The following ZBTB20 variants were observed in gnomAD, a reference collection of about 807,000 sequenced individuals.
ZBTB20 encodes zinc finger and BTB domain-containing protein 20.
ZBTB20 carries 9 observed loss-of-function variants against 56.9 expected under a neutral mutation model. That is an observed-to-expected ratio of 0.16 (90% CI 0.10 to 0.28). The LOEUF is 0.28. Ranked by LOEUF, ZBTB20 falls within the 10% of genes least tolerant of loss-of-function variation. ZBTB20 has a pLI of 1.00. For synonymous variants in ZBTB20, 417 were observed against 420.7 expected (o/e 0.99, Z 0.11); for missense variants, 655 against 1,003.0 (o/e 0.65, Z 4.69).
At position 114,316,616 on chromosome 3, in the gene ZBTB20, C is replaced by T. The variant is rs1257442840; in HGVS notation, c.*22389G>A. On this transcript the variant is annotated 3_prime_UTR_variant, in exon 12 of 12. Transcript: ENST00000675478. ...AACTGGGTTCAGACACTAGCACATG[C>T]TTAACTTTCCCCTGCTCCCTCTGTA... is the stretch of plus-strand genomic sequence containing the variant. 9.5e-6 allele frequency: 5 copies of T among 527,374 alleles called. No individual in the cohort carries two copies. In the East Asian group the frequency reaches 2.8e-4, roughly 29 times the overall value. 32.7% of individuals were successfully genotyped at this position (527,374 alleles called of 1,614,324 possible).
intron 4 of ZBTB20, among the ~76,000 whole-genome samples, chr3:114,892,908 T>C (rs1238455228): frequency 6.6e-6 from 1 of 152,204 alleles, no homozygotes; most frequent in Non-Finnish European, 1.5e-5. Context: ...AATGCGATGT[T>C]TTATTCACTT....
intron 6 of ZBTB20, among the ~76,000 whole-genome samples, chr3:114,597,026 C>A (rs1047145970): frequency 3.3e-5 from 5 of 151,702 alleles, no homozygotes; most frequent in Admixed American, 2.0e-4. Context: ...CGACTCAATC[C>A]TAAAGCAAAT....
intron 7 of ZBTB20, among the ~76,000 whole-genome samples, chr3:114,426,492 A>G (rs1043401743): frequency 1.3e-5 from 2 of 152,048 alleles, no homozygotes; most frequent in Non-Finnish European, 2.9e-5. Context: ...CAGCACTGAA[A>G]GCCCCCTCCC....
At chr3:115,020,582 T>C (rs1190178807) in intron 2 of ZBTB20, among the ~76,000 whole-genome samples, 2 of 151,114 alleles carry the variant, frequency 1.3e-5, no homozygotes, top group Non-Finnish European at 3.0e-5. Flanking sequence ...TTTTCCTTTT[T>C]AAAACATTTA....
At chr3:114,548,259 C>A (rs578131356) in intron 6 of ZBTB20, among the ~76,000 whole-genome samples, 1 of 152,246 alleles carries the variant, frequency 6.6e-6, no homozygotes, top group Non-Finnish European at 1.5e-5. Flanking sequence ...TTTTTTTGAA[C>A]AAAGCACCAT....
chr3:115,003,310 G>T (rs888973078), intron 2 of ZBTB20, among the ~76,000 whole-genome samples: 1 of 151,484 alleles, frequency 6.6e-6, no homozygotes, highest in African/African-American at 2.4e-5. Flanking sequence ...CATCAATATT[G>T]GTTCATTAGT....
intron 7 of ZBTB20, among the ~76,000 whole-genome samples, chr3:114,499,288 C>A (rs61347051): frequency 6.6e-6 from 1 of 152,088 alleles, no homozygotes; most frequent in Admixed American, 6.5e-5. Flanking sequence ...TAAACTGTCA[C>A]GTTACACTTT....
At chr3:114,519,853 T>C (rs1335711010) in intron 6 of ZBTB20, 1 of 152,160 alleles carries the variant, frequency 6.6e-6, no homozygotes, top group Non-Finnish European at 1.5e-5. Context: ...TAAAACTACA[T>C]AAACTGTTCA....
chr3:115,030,668 G>T (rs2080632895), intron 2 of ZBTB20, among the ~76,000 whole-genome samples: 1 of 151,132 alleles, frequency 6.6e-6, no homozygotes, highest in Admixed American at 6.6e-5. Flanking sequence ...CATGAGAGAT[G>T]ATTCTGTCCT....
intron 5 of ZBTB20, among the ~76,000 whole-genome samples, chr3:114,787,004 A>AG (rs2070543395): frequency 6.6e-6 from 1 of 152,080 alleles, no homozygotes; most frequent in Non-Finnish European, 1.5e-5. Context: ...TTTTAAAGAC[A>AG]GGGTCTCACT....
At chr3:114,934,322 C>T (rs984572101) in intron 3 of ZBTB20, among the ~76,000 whole-genome samples, 1 of 152,166 alleles carries the variant, frequency 6.6e-6, no homozygotes, top group African/African-American at 2.4e-5. Flanking sequence ...ACTTTGCTGC[C>T]CACGATTCCT....
At chr3:114,567,023 A>G (rs2052842498) in intron 6 of ZBTB20, among the ~76,000 whole-genome samples, 1 of 151,922 alleles carries the variant, frequency 6.6e-6, no homozygotes, top group African/African-American at 2.4e-5. Context: ...GCCTGGTGTG[A>G]TGGTTGCATA....
At chr3:114,896,220 C>T (rs2074871738) in intron 4 of ZBTB20, among the ~76,000 whole-genome samples, 2 of 152,086 alleles carry the variant, frequency 1.3e-5, no homozygotes, top group African/African-American at 4.8e-5. Flanking sequence ...ATGGAATTAC[C>T]ATACAATCTA....
intron 6 of ZBTB20, among the ~76,000 whole-genome samples, chr3:114,661,801 G>A (rs556579541): frequency 1.3e-5 from 2 of 152,110 alleles, no homozygotes; most frequent in Admixed American, 6.5e-5. Context: ...TATATGAAAC[G>A]AATTCTACAG....
intron 7 of ZBTB20, among the ~76,000 whole-genome samples, chr3:114,405,972 T>C (rs974297982): frequency 7.2e-5 from 11 of 151,806 alleles, no homozygotes; most frequent in African/African-American, 2.7e-4. Context: ...TCTTAACTCA[T>C]CTGTGTTCCA....
intron 1 of ZBTB20, among the ~76,000 whole-genome samples, chr3:115,077,192 G>GAA (rs370449555): frequency 6.8e-6 from 1 of 147,728 alleles, no homozygotes; most frequent in African/African-American, 2.5e-5. Flanking sequence ...AGAGCAAAAA[G>GAA]AAAAAAAAAA....
intron 1 of ZBTB20, among the ~76,000 whole-genome samples, chr3:115,105,181 C>T (rs978347628): frequency 8.9e-5 from 13 of 146,782 alleles, no homozygotes; most frequent in Non-Finnish European, 1.8e-4. Flanking sequence ...AATTGAACAG[C>T]GTATCATAAT....
At chr3:114,970,621 G>A (rs886363999) in intron 3 of ZBTB20, among the ~76,000 whole-genome samples, 4 of 152,086 alleles carry the variant, frequency 2.6e-5, no homozygotes, top group South Asian at 2.1e-4. Flanking sequence ...CTACTGGTAC[G>A]TAAGTTATGC....
intron 1 of ZBTB20, among the ~76,000 whole-genome samples, chr3:115,078,263 T>C (rs978213304): frequency 3.3e-5 from 5 of 152,216 alleles, no homozygotes; most frequent in African/African-American, 1.2e-4. Flanking sequence ...TATGTTGTTT[T>C]TGATATGAAT....
Sources: allele counts gnomAD v4.1 joint callset (sites outside exome capture counted in the v4.1 genomes callset), GRCh38; gene constraint gnomAD v4.1.1; transcripts MANE v1.5; gene names NCBI Gene and HGNC (gene_info 2026-07-23, HGNC 2026-07-21).